The following CEP135 variants were observed in gnomAD, a reference collection of about 807,000 sequenced individuals.
The protein encoded by CEP135 is centrosomal protein of 135 kDa.
CEP135 carries 142 observed loss-of-function variants against 157.3 expected under a neutral mutation model. That is an observed-to-expected ratio of 0.90 (90% CI 0.79 to 1.04). The LOEUF (loss-of-function observed/expected upper bound fraction) is 1.04, where lower values mean the gene tolerates loss of function less well. CEP135 is among the 50% of genes least tolerant of loss of function. The pLI is 0.00. For synonymous variants in CEP135, 396 were observed against 439.8 expected (o/e 0.90, Z 1.25); for missense variants, 1,317 against 1,309.2 (o/e 1.01, Z -0.09).
At chr4:55,974,718 TTTAAGAG>T in intron 10 of CEP135, 21 bp from the exon 11 acceptor site, 2 of 1,530,330 alleles carry the variant, frequency 1.3e-6, no homozygotes, top group Non-Finnish European at 1.8e-6. Flanking sequence ...ACAACATTAT[TTTAAGAG>T]TTAACCACTT....
At chr4:55,965,367 T>C (rs1008842995) in intron 7 of CEP135, 5 of 296,210 alleles carry the variant, frequency 1.7e-5, no homozygotes, top group African/African-American at 1.1e-4. Flanking sequence ...ATTATCATCT[T>C]GATATTCTTG....
Position 55,985,459 on chromosome 4 carries a change from T to A in CEP135, c.1857+101T>A, listed in dbSNP as rs112685950. On this transcript the variant is annotated intron_variant, in intron 14 of 25. Coordinates refer to ENST00000257287, the MANE Select transcript of CEP135 (RefSeq NM_025009.5). The stretch of plus-strand genomic sequence containing the variant: ...TTTTTAATTTTAATTTTATTTTTAT[T>A]TTTATTTATTTTTTGAGATGGAGTC... 4.9e-5 allele frequency: 19 copies of A among 391,006 alleles called. 2 individuals are homozygous for A. Among genetic ancestry groups the A allele is most frequent in the African/African-American group, 2.5e-4 (12 of 47,238 alleles). The allele number at this position is 391,006 out of a possible 1,614,324, so 24.2% of individuals were successfully genotyped here.
chr4:55,962,764 C>T (rs1728723607), intron 6 of CEP135, among the ~76,000 whole-genome samples: 1 of 146,926 alleles, frequency 6.8e-6, no homozygotes, highest in Non-Finnish European at 1.5e-5. Context: ...CAACTGTCCA[C>T]TCCCTGAAAT....
At chr4:55,963,939 G>C (rs1291541818) in intron 6 of CEP135, among the ~76,000 whole-genome samples, 1 of 152,088 alleles carries the variant, frequency 6.6e-6, no homozygotes, top group South Asian at 2.1e-4. Context: ...TTCAGTTCTA[G>C]TACTTGAGCA....
intron 21 of CEP135, among the ~76,000 whole-genome samples, chr4:56,017,368 C>T (rs1730811357): frequency 6.6e-6 from 1 of 152,024 alleles, no homozygotes; most frequent in South Asian, 2.1e-4. Flanking sequence ...CCCTCATATT[C>T]ACAACACCCT....
intron 24 of CEP135, among the ~76,000 whole-genome samples, chr4:56,023,954 G>A (rs1358558989): frequency 7.3e-6 from 1 of 136,782 alleles, no homozygotes; most frequent in African/African-American, 2.7e-5. Context: ...CTATAAGATT[G>A]TTCAAAGCAA....
intron 17 of CEP135, 27 bp downstream of exon 17, chr4:55,999,672 C>T (rs1230219149): frequency 8.9e-6 from 14 of 1,574,386 alleles, no homozygotes; most frequent in Non-Finnish European, 1.0e-5. Context: ...TGTAATTTTC[C>T]AGCATCCAAA....
At position 55,981,259 on chromosome 4, in the gene CEP135, A is replaced by G. The variant is rs1729396203; in HGVS notation, c.1659A>G (p.Glu553=). ...AAGAATTATCTGCCCTAAGAAAGGA[A>G]TCCACCCAAACCACAGCACCCCATA... ...AQEELSALRK[E]STQTTAPHNI... is the part of the protein sequence containing the mutation. Residue 553 remains glutamate, a synonymous_variant, in exon 13 of 26, where the codon GAA becomes GAG. Coordinates refer to ENST00000257287, the MANE Select transcript of CEP135 (RefSeq NM_025009.5). The G allele has an allele frequency of 1.3e-6, 2 of 1,592,556 alleles. No individual in the cohort carries two copies. The highest frequency in any genetic ancestry group is 1.8e-5 in the Admixed American group (1 of 54,798).
chr4:55,980,329 G>A, intron 12 of CEP135, 34 bp downstream of exon 12: 1 of 1,358,542 alleles, frequency 7.4e-7, no homozygotes, highest in Non-Finnish European at 1.0e-6. Context: ...CCAATAGATT[G>A]TATAGAACCA....
chr4:56,025,845 C>CAT (rs1731140912), intron 25 of CEP135, among the ~76,000 whole-genome samples: 2 of 150,672 alleles, frequency 1.3e-5, no homozygotes, highest in African/African-American at 4.9e-5. Flanking sequence ...ATCATAGATA[C>CAT]ATAGTTCAAT....
chr4:55,970,931 G>A (rs1729008541), intron 9 of CEP135, among the ~76,000 whole-genome samples: 1 of 152,032 alleles, frequency 6.6e-6, no homozygotes, highest in South Asian at 2.1e-4. Flanking sequence ...GGTGATCTTA[G>A]AAGAATTTAT....
intron 15 of CEP135, among the ~76,000 whole-genome samples, chr4:55,994,089 C>T (rs1164437849): frequency 2.0e-5 from 3 of 152,078 alleles, no homozygotes; most frequent in African/African-American, 7.2e-5. Flanking sequence ...CCATTGAATC[C>T]AAGTCTAAAG....
chr4:56,005,972 T>C (rs936053878), intron 17 of CEP135, among the ~76,000 whole-genome samples: 3 of 152,166 alleles, frequency 2.0e-5, no homozygotes, highest in Non-Finnish European at 4.4e-5. Context: ...GAATTGGAGT[T>C]CCTTTATATG....
chr4:56,011,494 C>A lies in CEP135; in HGVS notation c.2588C>A (p.Ser863Ter). The A allele has an allele frequency of 6.2e-7, 1 of 1,608,850 alleles. No homozygotes were observed. The highest frequency in any genetic ancestry group is 1.1e-5 in the South Asian group (1 of 89,884). The stretch of plus-strand genomic sequence containing the variant: ...GTTCATAAATACATAACAGAGGTGT[C>A]ACGATGGGAGAGCTTAATGGCTGCC... Reference protein sequence around the residue: ...SRVHKYITEVSRWESLMAAKE... With the variant: ...SRVHKYITEV Residue 863 changes from serine (S) to a stop codon, truncating the protein, a stop_gained, in exon 20 of 26, where the codon TCA (serine) becomes TAA (stop). Coordinates refer to ENST00000257287, the MANE Select transcript of CEP135 (RefSeq NM_025009.5). LOFTEE classifies it high-confidence loss of function.
intron 25 of CEP135, among the ~76,000 whole-genome samples, chr4:56,026,459 C>T (rs969873684): frequency 1.3e-5 from 2 of 152,280 alleles, no homozygotes; most frequent in East Asian, 3.9e-4. Context: ...TTCCTGGCTT[C>T]TTTTTCTCAA....
chr4:55,985,299 C>T lies in CEP135; in HGVS notation c.1798C>T (p.Leu600Phe). Residue 600 changes from leucine to phenylalanine, a missense_variant, in exon 14 of 26, where the codon CTT becomes TTT. Leu to Phe is a conservative substitution (Grantham distance 22). Transcript: ENST00000257287. ...TTTTCAGCATATTGAAGAAGTGAGTCTTTTTGGAAAATCAGAATTAGAGAA... is the reference window on the plus strand; with the variant it reads ...TTTTCAGCATATTGAAGAAGTGAGTTTTTTTGGAAAATCAGAATTAGAGAA... Reference protein sequence around the residue: ...EKLEHIEEVSLFGKSELEKTI... With the variant: ...EKLEHIEEVSFFGKSELEKTI... 6.3e-7 allele frequency: 1 copy of T among 1,585,488 alleles called. No homozygotes were observed. The highest frequency in any genetic ancestry group is 1.1e-5 in the South Asian group (1 of 89,850).
intron 10 of CEP135, among the ~76,000 whole-genome samples, chr4:55,972,150 C>CA (rs927303197): frequency 2.5e-4 from 35 of 138,600 alleles, no homozygotes; most frequent in South Asian, 1.4e-3. Flanking sequence ...ATTCCATCTC[C>CA]AAAAAAAAAA....
intron 15 of CEP135, among the ~76,000 whole-genome samples, chr4:55,994,357 G>A (rs1729893850): frequency 6.6e-6 from 1 of 152,110 alleles, no homozygotes. Flanking sequence ...GAGCAGCCTG[G>A]GCAATGTGGT....
intron 15 of CEP135, among the ~76,000 whole-genome samples, chr4:55,994,704 G>A (rs1362545474): frequency 4.5e-5 from 3 of 66,484 alleles, no homozygotes; most frequent in East Asian, 8.0e-4. Flanking sequence ...TTTTTTTTTT[G>A]AGACGGAGTC....
Sources: gnomAD v4.1 joint callset for allele counts (sites outside exome capture counted in the v4.1 genomes callset) on GRCh38, gnomAD v4.1.1 for gene constraint, MANE v1.5 for transcripts, NCBI Gene and HGNC (gene_info 2026-07-23, HGNC 2026-07-21) for gene names.